The following PIWIL2 variants were observed in gnomAD, a reference collection of about 807,000 sequenced individuals.
PIWIL2 encodes piwi-like protein 2.
In PIWIL2, 81 loss-of-function variants were observed where a neutral mutation model predicts 116.5. The observed-to-expected ratio is 0.70, with a 90% CI of 0.58 to 0.84. The LOEUF is 0.84. Ranked by LOEUF, PIWIL2 falls within the 40% of genes least tolerant of loss-of-function variation. The probability of loss-of-function intolerance (pLI) is 0.00; values close to 1 mark genes in which losing one functional copy is unlikely to be tolerated. For synonymous variants in PIWIL2, 489 were observed against 429.5 expected (o/e 1.14, Z -1.71); for missense variants, 1,272 against 1,212.3 (o/e 1.05, Z -0.73).
At chr8:22,297,612 G>A (rs1052875014) in intron 10 of PIWIL2, among the ~76,000 whole-genome samples, 2 of 152,158 alleles carry the variant, frequency 1.3e-5, no homozygotes, top group African/African-American at 4.8e-5. Context: ...AGTGCAATGG[G>A]CACAAGGACC....
intron 1 of PIWIL2, chr8:22,275,640 A>C (rs945929691): frequency 6.6e-6 from 1 of 152,106 alleles, no homozygotes; most frequent in Non-Finnish European, 1.5e-5. Context: ...CGGAGGCCCA[A>C]GTGGACGTCT....
chr8:22,301,683 A>G (rs1831052988), intron 10 of PIWIL2, among the ~76,000 whole-genome samples: 1 of 151,182 alleles, frequency 6.6e-6, no homozygotes, highest in Non-Finnish European at 1.5e-5. Context: ...TTGTTGTCAT[A>G]TCCAAGAAAT....
At chr8:22,297,038 G>A (rs1309570855) in intron 10 of PIWIL2, among the ~76,000 whole-genome samples, 3 of 151,476 alleles carry the variant, frequency 2.0e-5, no homozygotes, top group African/African-American at 4.9e-5. Flanking sequence ...ACCCCAGTTG[G>A]AGTACAGTGG....
In PIWIL2 at chr8:22,305,176, T is replaced by C. The variant is rs573114485; in HGVS notation, c.1455+308T>C. Among the ~76,000 whole-genome samples the C allele has an allele frequency of 6.7e-3, 665 of 99,998 alleles. 5 individuals carry two copies. Among genetic ancestry groups the C allele is most frequent in the African/African-American group, 0.023 (637 of 28,022 alleles). The allele number at this position is 99,998 out of a possible 152,430, so 65.6% of individuals were successfully genotyped here. A position where few individuals can be genotyped will look rare whatever the true frequency, so the allele number is the denominator to read the frequency against. On this transcript the variant is annotated intron_variant, in intron 12 of 22. Transcript: ENST00000356766. ...ATGAGGAAAGGTATAGATATTCATT[T>C]ATTTATTTATTTATTTATTTATTTA...
At chr8:22,291,963 A>G (rs73225897) in intron 10 of PIWIL2, among the ~76,000 whole-genome samples, 2,022 of 152,236 alleles carry the variant, frequency 0.013, 25 homozygotes, top group East Asian at 0.045. Flanking sequence ...CAGGGGGCGG[A>G]GAATTGCAGT....
chr8:22,307,843 AAG>A, intron 13 of PIWIL2, 88 bp from the exon 14 acceptor site: 1 of 969,972 alleles, frequency 1.0e-6, no homozygotes, highest in Non-Finnish European at 1.5e-6. Flanking sequence ...TTCAATGGGA[AAG>A]AGAAACATTT....
chr8:22,288,502 T>C (rs1830681901), intron 7 of PIWIL2, 40 bp from the exon 8 acceptor site: 1 of 1,576,418 alleles, frequency 6.3e-7, no homozygotes, highest in African/African-American at 1.4e-5. Context: ...TAGTTCTTAG[T>C]TTTGTCATTT....
intron 17 of PIWIL2, 54 bp downstream of exon 17, chr8:22,314,483 C>T (rs1831406561): frequency 1.1e-6 from 1 of 879,836 alleles, no homozygotes; most frequent in African/African-American, 1.7e-5. Context: ...CTCCCCGAGG[C>T]TTGAGAAGAG....
chr8:22,346,500 T>A (rs904624222), intron 20 of PIWIL2, among the ~76,000 whole-genome samples: 2 of 152,170 alleles, frequency 1.3e-5, no homozygotes, highest in Non-Finnish European at 2.9e-5. Flanking sequence ...TCCTGAGTTG[T>A]AGGGCTTCTC....
intron 10 of PIWIL2, among the ~76,000 whole-genome samples, chr8:22,299,207 TCTTTTTTTTC>T (rs1434158274): frequency 6.6e-6 from 1 of 151,994 alleles, no homozygotes; most frequent in African/African-American, 2.4e-5. Context: ...TGATCTTTTT[TCTTTTTTTTC>T]TTTTTTTTTT....
Position 22,315,036 on chromosome 8 carries a change from A to G in PIWIL2, c.2099A>G (p.Asn700Ser), listed in dbSNP as rs7464291. Residue 700 changes from asparagine to serine, a missense_variant, in exon 18 of 23, where the codon AAT becomes AGT. Physicochemically the swap from Asn to Ser is conservative, Grantham distance 46 (BLOSUM62 1). Coordinates refer to ENST00000356766, the MANE Select transcript of PIWIL2 (RefSeq NM_018068.5). ...TTGGTCCCTTCATTATAGGTTGTCA[A>G]TGTTCGAACCATTGGTCAGCCCACC... ...VQSPVPSQVV[N>S]VRTIGQPTRL... 40 of 1,607,182 alleles carry G rather than the reference A, an allele frequency of 2.5e-5. No homozygotes were observed. The highest frequency in any genetic ancestry group is 2.9e-5 in the Non-Finnish European group (34 of 1,173,678).
At chr8:22,326,565 A>G (rs1203648825) in intron 20 of PIWIL2, among the ~76,000 whole-genome samples, 3 of 151,940 alleles carry the variant, frequency 2.0e-5, no homozygotes, top group African/African-American at 7.3e-5. Flanking sequence ...TGATTTGTCT[A>G]TTTTGCCTAT....
At chr8:22,331,928 C>T (rs556893496) in intron 20 of PIWIL2, among the ~76,000 whole-genome samples, 18 of 152,220 alleles carry the variant, frequency 1.2e-4, no homozygotes, top group African/African-American at 4.3e-4. Context: ...AGGACTTCAA[C>T]ATATGAATGT....
intron 20 of PIWIL2, among the ~76,000 whole-genome samples, chr8:22,329,410 C>T (rs1446794032): frequency 6.6e-6 from 1 of 152,184 alleles, no homozygotes; most frequent in African/African-American, 2.4e-5. Context: ...AGGAAGCTTA[C>T]AGTCATGGTG....
chr8:22,347,924 T>G (rs1213133756), intron 20 of PIWIL2, among the ~76,000 whole-genome samples: 1 of 152,120 alleles, frequency 6.6e-6, no homozygotes, highest in Non-Finnish European at 1.5e-5. Flanking sequence ...TTTATTATGT[T>G]ATTTATAATA....
Position 22,288,598 on chromosome 8 carries a change from T to G in PIWIL2, c.918T>G (p.Ile306Met), listed in dbSNP as rs1323679081. Residue 306 changes from isoleucine (I) to methionine (M), a missense_variant, in exon 8 of 23, where the codon ATT (isoleucine) becomes ATG (methionine). By Grantham distance (10) the Ile-to-Met change is conservative (BLOSUM62 1). Transcript: ENST00000356766. ...KTDSAEISIK[I>M]QMTKILEPCS... Reference sequence around the variant, plus strand: ...ACAGTGCTGAAATCAGCATTAAGATTCAGATGACAAAGATCCTGGAGCCCT... The same window carrying G: ...ACAGTGCTGAAATCAGCATTAAGATGCAGATGACAAAGATCCTGGAGCCCT... The G allele has an allele frequency of 2.5e-6, 4 of 1,613,086 alleles. No individual in the cohort carries two copies. Among genetic ancestry groups the G allele is most frequent in the East Asian group, 2.2e-5 (1 of 44,882 alleles).
At chr8:22,321,877 C>T in intron 20 of PIWIL2, 1 of 985,160 alleles carries the variant, frequency 1.0e-6, no homozygotes, top group Non-Finnish European at 1.2e-6. Context: ...GTTCCAACAC[C>T]TCCGAACAGT....
intron 20 of PIWIL2, among the ~76,000 whole-genome samples, chr8:22,328,825 T>G (rs529765939): frequency 1.4e-3 from 212 of 150,922 alleles, no homozygotes; most frequent in African/African-American, 4.8e-3. Context: ...GTCGTTTTTT[T>G]TTTTTTTTTT....
Position 22,355,538 on chromosome 8 carries a change from A to C in PIWIL2, c.*33A>C, listed in dbSNP as rs1292082913. The C allele has an allele frequency of 6.2e-7, 1 of 1,602,564 alleles. No homozygotes were observed. The highest frequency in any genetic ancestry group is 1.3e-5 in the African/African-American group (1 of 74,774). ...GCTTGGAGATGGGCTGGTGAGAAGA[A>C]AGGCGGCCTCAGAACTCAGCTGTGA... On this transcript the variant is annotated 3_prime_UTR_variant, in exon 23 of 23. Coordinates refer to ENST00000356766, the MANE Select transcript of PIWIL2 (RefSeq NM_018068.5).
Sources: allele counts gnomAD v4.1 joint callset (sites outside exome capture counted in the v4.1 genomes callset), GRCh38; gene constraint gnomAD v4.1.1; transcripts MANE v1.5; gene names NCBI Gene and HGNC (gene_info 2026-07-23, HGNC 2026-07-21).